The following DLG2 variants were observed in gnomAD, a reference collection of about 807,000 sequenced individuals.
The protein encoded by DLG2 is discs large MAGUK scaffold protein 2, also known as disks large homolog 2.
DLG2 carries 45 observed loss-of-function variants against 132.5 expected under a neutral mutation model. That is an observed-to-expected ratio of 0.34 (90% CI 0.27 to 0.44). DLG2 has a LOEUF of 0.44. DLG2 is among the 20% of genes least tolerant of loss of function. DLG2 has a pLI of 1.00. For synonymous variants in DLG2, 424 were observed against 419.6 expected (o/e 1.01, Z -0.13); for missense variants, 1,045 against 1,196.9 (o/e 0.87, Z 1.87).
intron 7 of DLG2, among the ~76,000 whole-genome samples, chr11:84,501,899 C>G (rs1490855308): frequency 1.3e-5 from 2 of 151,956 alleles, no homozygotes; most frequent in East Asian, 1.9e-4. Context: ...TTTAAATATA[C>G]TGATGCCCAG....
intron 6 of DLG2, chr11:84,640,393 T>C: frequency 5.2e-6 from 2 of 387,410 alleles, no homozygotes; most frequent in South Asian, 2.6e-5. Context: ...GCTTGTTTGG[T>C]ATCTCAAGCC....
At chr11:84,235,843 T>C (rs2097151202) in intron 8 of DLG2, among the ~76,000 whole-genome samples, 1 of 152,178 alleles carries the variant, frequency 6.6e-6, no homozygotes, top group South Asian at 2.1e-4. Flanking sequence ...GTTATTAATC[T>C]CTTTGCCTAC....
intron 6 of DLG2, among the ~76,000 whole-genome samples, chr11:84,648,732 TTTCTCTCTCTCTCC>T (rs1443802717): frequency 1.3e-5 from 2 of 151,572 alleles, no homozygotes; most frequent in Non-Finnish European, 1.5e-5. Flanking sequence ...TCACTCTGGC[TTTCTCTCTCTCTCC>T]TTCTCTCTCT....
chr11:85,311,257 G>A (rs989413027), intron 3 of DLG2, among the ~76,000 whole-genome samples: 1 of 152,134 alleles, frequency 6.6e-6, no homozygotes. Context: ...GATGATGATG[G>A]TGAGGATGAG....
intron 7 of DLG2, among the ~76,000 whole-genome samples, chr11:84,441,599 T>A (rs2099017492): frequency 6.6e-6 from 1 of 152,182 alleles, no homozygotes; most frequent in Admixed American, 6.5e-5. Flanking sequence ...TAAGTATATA[T>A]GTATCATGTG....
chr11:84,552,794 C>A lies in DLG2; in HGVS notation c.358-18063G>T, dbSNP rs560348289. ...TCTATATACTCTCCATCAACCAATT[C>A]TTTTAACTAATCACCCTCAGATACA... On this transcript the variant is annotated intron_variant, in intron 6 of 27. Transcript: ENST00000376104. Among the ~76,000 whole-genome samples, 29 of 152,260 alleles carry A rather than the reference C, an allele frequency of 1.9e-4. No homozygotes were observed. The South Asian group carries it at 5.6e-3, about 29-fold the overall frequency.
chr11:84,315,290 T>A (rs1378315242), intron 7 of DLG2, among the ~76,000 whole-genome samples: 1 of 152,166 alleles, frequency 6.6e-6, no homozygotes, highest in Non-Finnish European at 1.5e-5. Flanking sequence ...TTGCTTATTA[T>A]AACCTAGTAT....
intron 4 of DLG2, among the ~76,000 whole-genome samples, chr11:85,275,770 T>C (rs1176512152): frequency 6.6e-6 from 1 of 152,190 alleles, no homozygotes; most frequent in African/African-American, 2.4e-5. Context: ...AGTTAATATA[T>C]GTAAGGATCT....
At chr11:84,554,982 T>C (rs1214519115) in intron 6 of DLG2, among the ~76,000 whole-genome samples, 1 of 151,930 alleles carries the variant, frequency 6.6e-6, no homozygotes, top group Non-Finnish European at 1.5e-5. Context: ...TGTGGTAGGT[T>C]CAAGGAATTG....
chr11:83,660,564 C>A (rs905296763), intron 18 of DLG2, among the ~76,000 whole-genome samples: 1 of 152,106 alleles, frequency 6.6e-6, no homozygotes, highest in African/African-American at 2.4e-5. Context: ...TCCCATGTTT[C>A]TTTAACAATG....
At chr11:83,571,344 TA>T (rs5793073) in intron 19 of DLG2, among the ~76,000 whole-genome samples, 6 of 150,426 alleles carry the variant, frequency 4.0e-5, no homozygotes, top group African/African-American at 4.9e-5. Flanking sequence ...AGTTAAAAAT[TA>T]AAAAAAAAAT....
chr11:85,624,359 T>C (rs1404132934), intron 2 of DLG2, among the ~76,000 whole-genome samples: 2 of 152,148 alleles, frequency 1.3e-5, no homozygotes, highest in African/African-American at 4.8e-5. Context: ...AAATACCAAA[T>C]GAAAATCCAT....
At chr11:84,294,973 T>C (rs1417557588) in intron 7 of DLG2, among the ~76,000 whole-genome samples, 19 of 152,242 alleles carry the variant, frequency 1.2e-4, no homozygotes, top group Admixed American at 1.2e-3. Context: ...TTTTGAAAAC[T>C]ATATTGTTTT....
In DLG2 at chr11:84,776,573, A is replaced by G. The variant is rs555737593; in HGVS notation, c.358-241842T>C. On this transcript the variant is annotated intron_variant, in intron 6 of 27. Transcript: ENST00000376104. ...TGTTTATAATTCATAGCCTCTCCCAATCCATATGTCCTGGCAACCACTGAT... is the reference window on the plus strand; with the variant it reads ...TGTTTATAATTCATAGCCTCTCCCAGTCCATATGTCCTGGCAACCACTGAT... 5.2e-4 allele frequency among the ~76,000 whole-genome samples: 79 copies of G among 152,302 alleles called. 1 individual carries two copies. Among genetic ancestry groups the G allele is most frequent in the African/African-American group, 1.9e-3 (77 of 41,580 alleles).
intron 3 of DLG2, among the ~76,000 whole-genome samples, chr11:85,401,755 T>C (rs1222392236): frequency 2.6e-5 from 4 of 151,800 alleles, no homozygotes; most frequent in Non-Finnish European, 5.9e-5. Flanking sequence ...ACAAAGAGAA[T>C]AAAATACCTA....
At chr11:84,142,345 G>T (rs959199546) in intron 9 of DLG2, among the ~76,000 whole-genome samples, 2 of 150,888 alleles carry the variant, frequency 1.3e-5, no homozygotes, top group South Asian at 2.1e-4. Context: ...AAAAGAAAAG[G>T]TGACTGGCTT....
intron 3 of DLG2, among the ~76,000 whole-genome samples, chr11:85,323,623 T>C (rs895759845): frequency 6.6e-6 from 1 of 152,248 alleles, no homozygotes; most frequent in Non-Finnish European, 1.5e-5. Flanking sequence ...TGTATTTTTC[T>C]ACATATTAAC....
intron 12 of DLG2, among the ~76,000 whole-genome samples, chr11:83,980,141 T>G (rs562883504): frequency 5.9e-5 from 9 of 152,196 alleles, no homozygotes; most frequent in Admixed American, 1.3e-4. Flanking sequence ...AGGAGATAAT[T>G]AAGGTTAAAT....
intron 4 of DLG2, among the ~76,000 whole-genome samples, chr11:85,215,139 C>T (rs1165733250): frequency 3.3e-5 from 5 of 152,124 alleles, no homozygotes; most frequent in African/African-American, 1.2e-4. Context: ...TGATTTTCTA[C>T]AAACACAAGT....
Sources: gnomAD v4.1 joint callset for allele counts (sites outside exome capture counted in the v4.1 genomes callset) on GRCh38, gnomAD v4.1.1 for gene constraint, MANE v1.5 for transcripts, NCBI Gene and HGNC (gene_info 2026-07-23, HGNC 2026-07-21) for gene names.